CNTN3: variants seen among roughly 807,000 people sequenced by gnomAD.
CNTN3 encodes the protein contactin-3.
In CNTN3, 60 loss-of-function variants were observed where a neutral mutation model predicts 119.1. The observed-to-expected ratio is 0.50, with a 90% CI of 0.41 to 0.62. The LOEUF is 0.62. CNTN3 is among the 20% of genes least tolerant of loss of function. CNTN3 has a pLI of 0.00. For synonymous variants in CNTN3, 450 were observed against 438.7 expected, an observed-to-expected ratio of 1.03 and a Z score of -0.32; for missense variants, 1,101 against 1,242.4, an observed-to-expected ratio of 0.89 and a Z score of 1.71.
intron 13 of CNTN3, among the ~76,000 whole-genome samples, chr3:74,310,367 T>G (rs750515505): frequency 6.6e-6 from 1 of 152,098 alleles, no homozygotes; most frequent in Non-Finnish European, 1.5e-5. Flanking sequence ...AAATTATCAT[T>G]TTTTTTTCTG....
chr3:74,348,563 G>A (rs906563602), intron 11 of CNTN3, among the ~76,000 whole-genome samples: 3 of 152,062 alleles, frequency 2.0e-5, no homozygotes, highest in African/African-American at 7.3e-5. Context: ...AGCATAGGAA[G>A]CCTACACTCA....
At chr3:74,577,452 G>A (rs951875365) in intron 1 of CNTN3, among the ~76,000 whole-genome samples, 4 of 152,042 alleles carry the variant, frequency 2.6e-5, no homozygotes, top group African/African-American at 7.2e-5. Flanking sequence ...ATTAGAGTAC[G>A]TGTATGTTAC....
chr3:74,341,281 G>A (rs1575738133), intron 11 of CNTN3, among the ~76,000 whole-genome samples: 2 of 152,070 alleles, frequency 1.3e-5, no homozygotes, highest in Admixed American at 6.6e-5. Flanking sequence ...AATAACCCAC[G>A]CTTCCCTACA....
At chr3:74,542,265 T>C (rs1197400945) in intron 1 of CNTN3, among the ~76,000 whole-genome samples, 7 of 151,770 alleles carry the variant, frequency 4.6e-5, no homozygotes, top group Non-Finnish European at 8.8e-5. Context: ...TCTTCAGAGG[T>C]GAAAAGGGGC....
At chr3:74,445,802 T>C (rs1702039531) in intron 4 of CNTN3, among the ~76,000 whole-genome samples, 1 of 152,186 alleles carries the variant, frequency 6.6e-6, no homozygotes, top group African/African-American at 2.4e-5. Flanking sequence ...TCTTCATTGG[T>C]GTTTAAAGAA....
chr3:74,467,847 CCTACA>C (rs1702492877), intron 4 of CNTN3, among the ~76,000 whole-genome samples: 1 of 152,106 alleles, frequency 6.6e-6, no homozygotes, highest in African/African-American at 2.4e-5. Context: ...AAGGAACACT[CCTACA>C]GTGGCCAAAG....
intron 2 of CNTN3, among the ~76,000 whole-genome samples, chr3:74,503,975 T>C (rs1009915904): frequency 6.6e-6 from 1 of 152,098 alleles, no homozygotes; most frequent in Non-Finnish European, 1.5e-5. Flanking sequence ...TATGAGCTCC[T>C]AAGGTAATGT....
At chr3:74,273,265 C>T (rs1466043289) in intron 20 of CNTN3, among the ~76,000 whole-genome samples, 3 of 152,162 alleles carry the variant, frequency 2.0e-5, no homozygotes, top group Admixed American at 2.0e-4. Flanking sequence ...TTCACTTCCC[C>T]AAGACACACC....
chr3:74,366,546 T>C (rs1226158711), intron 8 of CNTN3, among the ~76,000 whole-genome samples: 1 of 151,876 alleles, frequency 6.6e-6, no homozygotes, highest in African/African-American at 2.4e-5. Context: ...CATTGCATTA[T>C]GCATGTGATG....
At chr3:74,358,651 G>A (rs149213524) in intron 11 of CNTN3, among the ~76,000 whole-genome samples, 8,828 of 146,498 alleles carry the variant, frequency 0.06, 425 homozygotes, top group East Asian at 0.21. Context: ...GGGTACATGT[G>A]CACATTGTGC....
intron 13 of CNTN3, among the ~76,000 whole-genome samples, chr3:74,312,883 G>A (rs937626255): frequency 1.3e-5 from 2 of 151,790 alleles, no homozygotes; most frequent in African/African-American, 4.8e-5. Flanking sequence ...ATGAGACCAG[G>A]AATTTTAAAA....
rs1702312027 is a variant in CNTN3, at chr3:74,295,104, A to C, written c.2517+17T>G. 6.6e-7 allele frequency: 1 copy of C among 1,509,106 alleles called. No homozygotes were observed. Among genetic ancestry groups the C allele is most frequent in the African/African-American group, 1.4e-5 (1 of 72,872 alleles). The allele number at this position is 1,509,106 out of a possible 1,614,324, so 93.5% of individuals were successfully genotyped here. On this transcript the variant is annotated intron_variant, in intron 19 of 22. Transcript: ENST00000263665. ...CACGGTAACACACATACACAATTTA[A>C]TCGGAAAAGAAATTACCTCATAGCC...
intron 1 of CNTN3, among the ~76,000 whole-genome samples, chr3:74,598,896 A>G (rs2106700192): frequency 6.6e-6 from 1 of 152,186 alleles, no homozygotes; most frequent in East Asian, 1.9e-4. Flanking sequence ...GCAAAAGGCA[A>G]ATATAATACA....
At chr3:74,422,924 G>C (rs1701639018) in intron 5 of CNTN3, among the ~76,000 whole-genome samples, 1 of 152,076 alleles carries the variant, frequency 6.6e-6, no homozygotes, top group South Asian at 2.1e-4. Context: ...CAAGCCCTCA[G>C]CTTCAGGGCT....
At chr3:74,394,505 G>C (rs1704997423) in intron 5 of CNTN3, among the ~76,000 whole-genome samples, 1 of 152,048 alleles carries the variant, frequency 6.6e-6, no homozygotes, top group Admixed American at 6.6e-5. Flanking sequence ...ATCTCAATTT[G>C]TCTCTCTGGT....
chr3:74,502,691 C>T (rs920382748), intron 2 of CNTN3, among the ~76,000 whole-genome samples: 3 of 152,042 alleles, frequency 2.0e-5, no homozygotes, highest in East Asian at 3.9e-4. Flanking sequence ...ATTTGTTCTC[C>T]TTGTGTTCTG....
At chr3:74,403,888 T>C (rs1029492665) in intron 5 of CNTN3, among the ~76,000 whole-genome samples, 14 of 139,698 alleles carry the variant, frequency 1.0e-4, no homozygotes, top group Non-Finnish European at 1.6e-4. Context: ...TTCTCTTTCC[T>C]TTTTTTTATT....
chr3:74,308,988 G>T (rs1284292454), intron 13 of CNTN3, among the ~76,000 whole-genome samples: 1 of 152,114 alleles, frequency 6.6e-6, no homozygotes, highest in East Asian at 1.9e-4. Flanking sequence ...GCTGGACACT[G>T]TCAAAGTCCC....
At chr3:74,351,111 A>C (rs1703802612) in intron 11 of CNTN3, among the ~76,000 whole-genome samples, 1 of 152,350 alleles carries the variant, frequency 6.6e-6, no homozygotes, top group Non-Finnish European at 1.5e-5. Context: ...AAGTAGATAA[A>C]TAAATACATG....
Sources: gnomAD v4.1 joint callset for allele counts (sites outside exome capture counted in the v4.1 genomes callset) on GRCh38, gnomAD v4.1.1 for gene constraint, MANE v1.5 for transcripts, NCBI Gene and HGNC (gene_info 2026-07-23, HGNC 2026-07-21) for gene names.